Variants in CDH18 observed in about 807,000 individuals in gnomAD.
CDH18 encodes cadherin 18.
A neutral mutation model predicts 67.9 loss-of-function variants in CDH18; 31 were observed. That is an observed-to-expected ratio of 0.46 (90% CI 0.34 to 0.62). The LOEUF (loss-of-function observed/expected upper bound fraction) is 0.62. Among genes scored for constraint, CDH18 ranks in the 20% least tolerant of loss-of-function variants. CDH18 has a pLI of 0.01. For missense variants in CDH18, 890 were observed against 975.5 expected (o/e 0.91, Z 1.17); for synonymous variants, 362 against 347.2 (o/e 1.04, Z -0.48).
In CDH18 at chr5:19,658,187, T is replaced by C. The variant is rs562401885; in HGVS notation, c.644-45586A>G. Among the ~76,000 whole-genome samples the C allele has an allele frequency of 2.0e-5, 3 of 152,254 alleles. No individual in the cohort carries two copies. In the South Asian group the frequency reaches 6.2e-4, roughly 32 times the overall value. On this transcript the variant is annotated intron_variant, in intron 5 of 12. Coordinates refer to ENST00000382275, the MANE Select transcript of CDH18 (RefSeq NM_004934.5). ...AAAATTTAGCAGCTATATTTGCATT[T>C]TTATATAGATATTATCCTTTTTATA...
At chr5:20,449,521 G>C (rs1415554776) in intron 1 of CDH18, among the ~76,000 whole-genome samples, 2 of 151,920 alleles carry the variant, frequency 1.3e-5, no homozygotes, top group South Asian at 2.1e-4. Context: ...AATATGGATT[G>C]ATAGATCTAT....
chr5:20,311,358 G>T (rs1384438297), intron 1 of CDH18, among the ~76,000 whole-genome samples: 4 of 152,104 alleles, frequency 2.6e-5, no homozygotes, highest in African/African-American at 9.7e-5. Flanking sequence ...TATGTTTATT[G>T]TGGCACTATT....
At chr5:20,533,777 C>A (rs192026777) in intron 1 of CDH18, among the ~76,000 whole-genome samples, 1 of 151,950 alleles carries the variant, frequency 6.6e-6, no homozygotes, top group East Asian at 1.9e-4. Context: ...ATAGGCATGT[C>A]CATTTTGTTT....
intron 5 of CDH18, among the ~76,000 whole-genome samples, chr5:19,685,778 A>G (rs1023043537): frequency 6.6e-6 from 1 of 152,194 alleles, no homozygotes; most frequent in Non-Finnish European, 1.5e-5. Flanking sequence ...TTTGATGTTA[A>G]GTTCCATCTT....
At chr5:19,823,076 T>G (rs1265743825) in intron 3 of CDH18, among the ~76,000 whole-genome samples, 1 of 152,208 alleles carries the variant, frequency 6.6e-6, no homozygotes, top group Non-Finnish European at 1.5e-5. Flanking sequence ...CTGTTCCGCC[T>G]GGCTCACCGG....
rs35247774 is a variant in CDH18 at position 20,538,909 on chromosome 5, G to GTTTT, written c.-580+36549_-580+36552dup. 3.9e-3 allele frequency among the ~76,000 whole-genome samples: 462 copies of GTTTT among 118,714 alleles called. 10 individuals are homozygous for GTTTT. The highest frequency in any genetic ancestry group is 0.021 in the South Asian group (77 of 3,680). 77.9% of individuals were successfully genotyped at this position (118,714 alleles called of 152,430 possible). ...CCACATAGCCAACTGTTTTTTTTTT[G>GTTTT]TTTTTTTTTTTTTTTGTCGCCCAGG... On this transcript the variant is annotated intron_variant, in intron 1 of 14. Transcript: ENST00000507958.
intron 2 of CDH18, among the ~76,000 whole-genome samples, chr5:20,056,215 G>T (rs2150499555): frequency 6.7e-6 from 1 of 149,778 alleles, no homozygotes; most frequent in Non-Finnish European, 1.5e-5. Flanking sequence ...ATAATGTCAG[G>T]CTGGTCTTGA....
chr5:20,250,823 C>T (rs998318350), intron 2 of CDH18, among the ~76,000 whole-genome samples: 6 of 151,690 alleles, frequency 4.0e-5, no homozygotes, highest in African/African-American at 1.5e-4. Flanking sequence ...CCAGGCTGGC[C>T]TCCACCTCCT....
chr5:20,157,677 C>T (rs1434187260), intron 2 of CDH18, among the ~76,000 whole-genome samples: 1 of 149,072 alleles, frequency 6.7e-6, no homozygotes, highest in East Asian at 2.0e-4. Context: ...GAATCTTGCT[C>T]TGTCACCCAG....
chr5:19,642,666 T>A (rs541281160), intron 5 of CDH18, among the ~76,000 whole-genome samples: 39 of 152,066 alleles, frequency 2.6e-4, no homozygotes, highest in Admixed American at 7.9e-4. Flanking sequence ...TTTACAAACG[T>A]CTACCCAAAA....
rs557380678 is a variant in CDH18, at chr5:19,570,361, G to T, written c.1253+1218C>A. Among the ~76,000 whole-genome samples, 4 of 152,160 alleles carry T rather than the reference G, an allele frequency of 2.6e-5. No individual in the cohort carries two copies. The East Asian group carries it at 7.7e-4, about 29-fold the overall frequency. ...CTAGCTCTTGCTGTTAGTGTGACAG[G>T]ATACAGTTTCTATACTTGCAGATGG... On this transcript the variant is annotated intron_variant, in intron 8 of 12. Coordinates refer to ENST00000382275, the MANE Select transcript of CDH18 (RefSeq NM_004934.5).
chr5:20,404,029 G>T (rs538858825), intron 1 of CDH18, among the ~76,000 whole-genome samples: 1 of 152,146 alleles, frequency 6.6e-6, no homozygotes, highest in South Asian at 2.1e-4. Context: ...TTCACTTTGC[G>T]TATCTCCATT....
chr5:19,970,192 A>C (rs1228062255), intron 2 of CDH18, among the ~76,000 whole-genome samples: 1 of 151,608 alleles, frequency 6.6e-6, no homozygotes, highest in East Asian at 1.9e-4. Context: ...ATAGACAGAA[A>C]GAAGCAAATT....
intron 2 of CDH18, among the ~76,000 whole-genome samples, chr5:20,146,627 A>AT (rs1561829020): frequency 6.6e-6 from 1 of 151,748 alleles, no homozygotes; most frequent in African/African-American, 2.4e-5. Flanking sequence ...TAAAAAAAAA[A>AT]AAAATAAAAT....
At chr5:19,960,586 T>TGTGTGTATATATATATATACACACAC (rs1796712953) in intron 2 of CDH18, among the ~76,000 whole-genome samples, 13 of 132,750 alleles carry the variant, frequency 9.8e-5, no homozygotes, top group Admixed American at 3.0e-4. Flanking sequence ...TGTGTGTGTG[T>TGTGTGTATATATATATATACACACAC]GTGTATATAT....
At chr5:20,469,329 AAT>A (rs1201592870) in intron 1 of CDH18, among the ~76,000 whole-genome samples, 2 of 149,732 alleles carry the variant, frequency 1.3e-5, no homozygotes, top group Non-Finnish European at 3.0e-5. Flanking sequence ...AAAGACGTTC[AAT>A]ATGTTTAAAA....
intron 10 of CDH18, among the ~76,000 whole-genome samples, chr5:19,517,028 G>C (rs1429717528): frequency 6.6e-6 from 1 of 152,018 alleles, no homozygotes. Flanking sequence ...TATGGTAGCT[G>C]CATATTTAAT....
chr5:20,377,717 T>C (rs1743577303), intron 1 of CDH18, among the ~76,000 whole-genome samples: 1 of 152,210 alleles, frequency 6.6e-6, no homozygotes, highest in East Asian at 1.9e-4. Flanking sequence ...AATCATAATG[T>C]ATATAATATC....
At chr5:19,636,283 G>A (rs764427347) in intron 5 of CDH18, among the ~76,000 whole-genome samples, 85 of 151,678 alleles carry the variant, frequency 5.6e-4, no homozygotes, top group Admixed American at 6.6e-4. Flanking sequence ...TGTTTTGAAG[G>A]ATATATGCAA....
Sources: gnomAD v4.1 joint callset for allele counts (sites outside exome capture counted in the v4.1 genomes callset) on GRCh38, gnomAD v4.1.1 for gene constraint, MANE v1.5 for transcripts, NCBI Gene and HGNC (gene_info 2026-07-23, HGNC 2026-07-21) for gene names.